Variants in NCKAP5 observed in about 807,000 individuals in gnomAD.
NCKAP5 encodes NCK associated protein 5.
NCKAP5 carries 92 observed loss-of-function variants against 167.0 expected under a neutral mutation model. The ratio of observed to expected loss-of-function variants is 0.55; its 90% CI spans 0.47 to 0.66. The LOEUF is 0.66. NCKAP5 is among the 30% of genes least tolerant of loss of function. The pLI, the probability that NCKAP5 is intolerant of heterozygous loss-of-function variation, is 0.00. For synonymous variants in NCKAP5, 891 were observed against 877.4 expected (o/e 1.02, Z -0.27); for missense variants, 2,378 against 2,315.0 (o/e 1.03, Z -0.56).
chr2:133,148,387 T>C (rs2083274456), intron 5 of NCKAP5, among the ~76,000 whole-genome samples: 1 of 152,130 alleles, frequency 6.6e-6, no homozygotes, highest in African/African-American at 2.4e-5. Context: ...AATTAAACGT[T>C]GTCAGCATAT....
intron 16 of NCKAP5, among the ~76,000 whole-genome samples, chr2:132,732,918 C>T (rs1446886896): frequency 1.3e-5 from 2 of 152,126 alleles, no homozygotes; most frequent in East Asian, 1.9e-4. Flanking sequence ...GGACTTCATT[C>T]GACCCAGCTG....
the NCKAP5 span, among the ~76,000 whole-genome samples, chr2:133,611,728 C>A: frequency 2.0e-5 from 3 of 152,122 alleles, no homozygotes; most frequent in East Asian, 3.8e-4. Flanking sequence ...CATTGGAAGT[C>A]CCTCACTTCT....
At chr2:133,060,441 T>C (rs147581634) in intron 6 of NCKAP5, among the ~76,000 whole-genome samples, 1 of 152,246 alleles carries the variant, frequency 6.6e-6, no homozygotes, top group East Asian at 1.9e-4. Flanking sequence ...ATAAACACTA[T>C]GAAAGAAAAA....
chr2:133,146,396 G>A lies in NCKAP5; in HGVS notation c.208-16285C>T, dbSNP rs1038944323. On this transcript the variant is annotated intron_variant, in intron 5 of 19. Transcript: ENST00000409261. ...TAAACGATGACTTTGTGTTTCATGC[G>A]ACTACCATTCTAGATCAATTTTAAA... is the stretch of plus-strand genomic sequence containing the variant. Among the ~76,000 whole-genome samples the A allele has an allele frequency of 2.0e-5, 3 of 152,098 alleles. No homozygotes were observed. The East Asian group carries it at 5.8e-4, about 29-fold the overall frequency.
intron 4 of NCKAP5, among the ~76,000 whole-genome samples, chr2:133,298,739 A>T (rs1267652333): frequency 6.6e-6 from 1 of 152,198 alleles, no homozygotes; most frequent in Non-Finnish European, 1.5e-5. Flanking sequence ...CCGTATAAAT[A>T]GTTGAAATAA....
chr2:133,137,835 C>T (rs2082850617), intron 5 of NCKAP5, among the ~76,000 whole-genome samples: 1 of 152,200 alleles, frequency 6.6e-6, no homozygotes, highest in African/African-American at 2.4e-5. Context: ...TACTTCCGCG[C>T]AGAGGGGTGC....
chr2:133,263,499 T>C (rs1258779266), intron 4 of NCKAP5, among the ~76,000 whole-genome samples: 1 of 151,968 alleles, frequency 6.6e-6, no homozygotes, highest in African/African-American at 2.4e-5. Context: ...AAAACTTCTT[T>C]GAACAAAAGT....
intron 6 of NCKAP5, among the ~76,000 whole-genome samples, chr2:133,035,855 TGAAA>T: frequency 6.6e-6 from 1 of 151,324 alleles, no homozygotes; most frequent in East Asian, 1.9e-4. Context: ...TAAATGAAAT[TGAAA>T]GAAAAATGCA....
At position 132,722,507 on chromosome 2, in the gene NCKAP5, G is replaced by A. The variant is rs145778977; in HGVS notation, c.5713+3120C>T. Among the ~76,000 whole-genome samples, 763 of 152,290 alleles carry A rather than the reference G, an allele frequency of 5.0e-3. 9 individuals are homozygous for A. The highest frequency in any genetic ancestry group is 0.017 in the African/African-American group (724 of 41,566). On this transcript the variant is annotated intron_variant, in intron 19 of 19. Coordinates refer to ENST00000409261, the MANE Select transcript of NCKAP5 (RefSeq NM_207363.3). Reference sequence around the variant, plus strand: ...TCTCTGTGACTGAGATAAGGCAGGAGGACCTAGTCTTCTCTTGGGCTACAC... The same window carrying A: ...TCTCTGTGACTGAGATAAGGCAGGAAGACCTAGTCTTCTCTTGGGCTACAC...
At chr2:133,229,175 T>A (rs1303181925) in intron 4 of NCKAP5, among the ~76,000 whole-genome samples, 1 of 152,156 alleles carries the variant, frequency 6.6e-6, no homozygotes, top group African/African-American at 2.4e-5. Context: ...AATGTTTTTG[T>A]AGAAAAAAAA....
intron 6 of NCKAP5, among the ~76,000 whole-genome samples, chr2:133,041,453 T>G (rs2079215846): frequency 6.6e-6 from 1 of 152,168 alleles, no homozygotes; most frequent in African/African-American, 2.4e-5. Context: ...TTGAGAATAT[T>G]CATATCAGAA....
intron 6 of NCKAP5, among the ~76,000 whole-genome samples, chr2:133,097,715 C>T (rs2081386117): frequency 6.6e-6 from 1 of 152,126 alleles, no homozygotes; most frequent in Non-Finnish European, 1.5e-5. Context: ...CACAGTGTGG[C>T]CACATGTGTC....
At chr2:132,762,705 A>G in intron 16 of NCKAP5, among the ~76,000 whole-genome samples, 1 of 152,102 alleles carries the variant, frequency 6.6e-6, no homozygotes, top group East Asian at 1.9e-4. Flanking sequence ...TAAACATCAA[A>G]TCCTTCCTTC....
chr2:132,907,640 C>A (rs1694104122), intron 8 of NCKAP5, among the ~76,000 whole-genome samples: 1 of 151,962 alleles, frequency 6.6e-6, no homozygotes, highest in African/African-American at 2.4e-5. Context: ...AGATAAACAT[C>A]TCAGTTAATG....
chr2:133,629,752 G>A, the NCKAP5 span, among the ~76,000 whole-genome samples: 3 of 152,120 alleles, frequency 2.0e-5, no homozygotes, highest in Non-Finnish European at 2.9e-5. Context: ...TGATAGAATG[G>A]ATAAAGGAAA....
chr2:133,028,785 C>T (rs1439785810), intron 6 of NCKAP5, among the ~76,000 whole-genome samples: 1 of 152,194 alleles, frequency 6.6e-6, no homozygotes, highest in East Asian at 1.9e-4. Context: ...GTAACTGGAT[C>T]ACGGTGATGA....
intron 3 of NCKAP5, among the ~76,000 whole-genome samples, chr2:133,490,012 T>TA (rs1681300125): frequency 6.6e-6 from 1 of 151,974 alleles, no homozygotes; most frequent in South Asian, 2.1e-4. Context: ...TGAGGGGAAA[T>TA]AGGCTCAGGA....
intron 3 of NCKAP5, among the ~76,000 whole-genome samples, chr2:133,457,162 T>C (rs1244958030): frequency 6.6e-6 from 1 of 152,172 alleles, no homozygotes; most frequent in Non-Finnish European, 1.5e-5. Context: ...GTGGCCGGCC[T>C]GGAGACAGGG....
the NCKAP5 span, among the ~76,000 whole-genome samples, chr2:133,587,741 C>T: frequency 0.034 from 5,189 of 152,282 alleles, 150 homozygotes; most frequent in East Asian, 0.17. Flanking sequence ...CCACGTTTCT[C>T]TCTCTGAAGG....
Sources: gnomAD v4.1 joint callset for allele counts (sites outside exome capture counted in the v4.1 genomes callset) on GRCh38, gnomAD v4.1.1 for gene constraint, MANE v1.5 for transcripts, NCBI Gene and HGNC (gene_info 2026-07-23, HGNC 2026-07-21) for gene names.